Variants in STARD13 observed in about 807,000 individuals in gnomAD.
The protein encoded by STARD13 is StAR related lipid transfer domain containing 13.
STARD13 carries 62 observed loss-of-function variants against 106.4 expected under a neutral mutation model. The observed-to-expected ratio is 0.58, with a 90% CI of 0.48 to 0.72. The LOEUF (loss-of-function observed/expected upper bound fraction) is 0.72, where lower values mean the gene tolerates loss of function less well. Ranked by LOEUF, STARD13 falls within the 30% of genes least tolerant of loss-of-function variation. STARD13 has a pLI of 0.00. For missense variants in STARD13, 1,387 were observed against 1,424.0 expected, an observed-to-expected ratio of 0.97 and a Z score of 0.42; for synonymous variants, 565 against 553.0, an observed-to-expected ratio of 1.02 and a Z score of -0.31.
At chr13:33,477,323 G>A in the STARD13 span, among the ~76,000 whole-genome samples, 1 of 152,220 alleles carries the variant, frequency 6.6e-6, no homozygotes, top group East Asian at 1.9e-4. Context: ...TGTTTACTTG[G>A]CTATAAGACT....
chr13:33,229,213 T>C (rs1888778822), intron 1 of STARD13, among the ~76,000 whole-genome samples: 1 of 152,128 alleles, frequency 6.6e-6, no homozygotes, highest in South Asian at 2.1e-4. Context: ...AATGCAGTGA[T>C]TTAAGGCAGA....
the STARD13 span, among the ~76,000 whole-genome samples, chr13:33,478,702 G>A: frequency 6.6e-6 from 1 of 152,134 alleles, no homozygotes; most frequent in Non-Finnish European, 1.5e-5. Flanking sequence ...GATCACTTGA[G>A]CCCAGGTGTT....
At chr13:33,635,992 A>T in the STARD13 span, among the ~76,000 whole-genome samples, 2 of 151,914 alleles carry the variant, frequency 1.3e-5, no homozygotes, top group Admixed American at 6.6e-5. Context: ...TCAAAAAAAC[A>T]TTAGCTGGGC....
chr13:33,676,704 T>G, the STARD13 span: 1 of 152,198 alleles, frequency 6.6e-6, no homozygotes, highest in South Asian at 2.1e-4. Flanking sequence ...CAAAGAGGTC[T>G]TTAAGTTTAA....
the STARD13 span, among the ~76,000 whole-genome samples, chr13:33,360,299 G>C: frequency 6.6e-6 from 1 of 151,720 alleles, no homozygotes; most frequent in African/African-American, 2.4e-5. Context: ...CCGCCTCCCA[G>C]GTTCCAGCTA....
the STARD13 span, among the ~76,000 whole-genome samples, chr13:33,512,615 C>T: frequency 6.6e-6 from 1 of 151,952 alleles, no homozygotes; most frequent in African/African-American, 2.4e-5. Flanking sequence ...TTATAGGTGC[C>T]CGCCATCACG....
chr13:33,497,641 A>G, the STARD13 span, among the ~76,000 whole-genome samples: 15 of 152,108 alleles, frequency 9.9e-5, no homozygotes, highest in Non-Finnish European at 1.5e-4. Flanking sequence ...TGATTTGTTT[A>G]TTCTATCTAC....
At chr13:33,341,303 T>C (rs2077956349) in intron 1 of STARD13, among the ~76,000 whole-genome samples, 1 of 152,160 alleles carries the variant, frequency 6.6e-6, no homozygotes, top group South Asian at 2.1e-4. Context: ...ATGATCAAGT[T>C]GGTGGCTTAC....
chr13:33,216,472 C>T (rs1888048422), intron 1 of STARD13, among the ~76,000 whole-genome samples: 1 of 152,108 alleles, frequency 6.6e-6, no homozygotes, highest in Non-Finnish European at 1.5e-5. Flanking sequence ...AATGGAAAAC[C>T]AAACATCATA....
chr13:33,224,277 A>C (rs967978726), intron 1 of STARD13, among the ~76,000 whole-genome samples: 5 of 152,228 alleles, frequency 3.3e-5, no homozygotes, highest in Admixed American at 2.6e-4. Context: ...CAGTTGCCAC[A>C]AGCCCCAGCT....
the STARD13 span, among the ~76,000 whole-genome samples, chr13:33,670,953 T>C: frequency 1.3e-5 from 2 of 152,234 alleles, no homozygotes; most frequent in East Asian, 3.8e-4. Flanking sequence ...AAATTCAATT[T>C]GCCTAAAAGC....
the STARD13 span, among the ~76,000 whole-genome samples, chr13:33,382,097 C>G: frequency 6.6e-6 from 1 of 152,192 alleles, no homozygotes; most frequent in Non-Finnish European, 1.5e-5. Context: ...CCATCATAAA[C>G]GAAGCATGGC....
chr13:33,325,438 A>C (rs1206348294), intron 1 of STARD13, among the ~76,000 whole-genome samples: 2 of 152,186 alleles, frequency 1.3e-5, no homozygotes, highest in African/African-American at 4.8e-5. Context: ...ATTCAAAATG[A>C]ACATAAAGTC....
chr13:33,493,036 C>A, the STARD13 span, among the ~76,000 whole-genome samples: 3 of 152,190 alleles, frequency 2.0e-5, no homozygotes, highest in African/African-American at 2.4e-5. Flanking sequence ...TCTCTTACTG[C>A]ATAGATTTTC....
At chr13:33,311,729 TAC>T (rs1414695911) in intron 1 of STARD13, among the ~76,000 whole-genome samples, 8 of 152,200 alleles carry the variant, frequency 5.3e-5, no homozygotes, top group Non-Finnish European at 1.2e-4. Context: ...GGTTCTGGGA[TAC>T]AGAGATGAAA....
chr13:33,494,162 T>G, the STARD13 span, among the ~76,000 whole-genome samples: 1 of 152,208 alleles, frequency 6.6e-6, no homozygotes, highest in South Asian at 2.1e-4. Context: ...CCCATTTGAC[T>G]TGAATGCCAC....
At chr13:33,572,129 A>G in the STARD13 span, among the ~76,000 whole-genome samples, 1 of 152,190 alleles carries the variant, frequency 6.6e-6, no homozygotes, top group African/African-American at 2.4e-5. Flanking sequence ...ATCGTCAACC[A>G]TCAACTGTCC....
At chr13:33,460,640 TAGAG>T in the STARD13 span, among the ~76,000 whole-genome samples, 2 of 152,246 alleles carry the variant, frequency 1.3e-5, no homozygotes, top group South Asian at 2.1e-4. Context: ...ATTTCTTGAA[TAGAG>T]AAATTCTTCT....
At chr13:33,185,264 C>A (rs1885643107) in intron 1 of STARD13, among the ~76,000 whole-genome samples, 1 of 152,192 alleles carries the variant, frequency 6.6e-6, no homozygotes, top group Non-Finnish European at 1.5e-5. Context: ...AGCTTAAGAT[C>A]ACGGGATGAA....
Sources: gnomAD v4.1 joint callset for allele counts (sites outside exome capture counted in the v4.1 genomes callset) on GRCh38, gnomAD v4.1.1 for gene constraint, MANE v1.5 for transcripts, NCBI Gene and HGNC (gene_info 2026-07-23, HGNC 2026-07-21) for gene names.